PCMTD1: variants seen among roughly 807,000 people sequenced by gnomAD.
The protein encoded by PCMTD1 is protein-L-isoaspartate (D-aspartate) O-methyltransferase domain containing 1.
A neutral mutation model predicts 37.6 loss-of-function variants in PCMTD1; 12 were observed. The observed-to-expected ratio is 0.32, with a 90% confidence interval of 0.20 to 0.52. The LOEUF is 0.52. Ranked by LOEUF, PCMTD1 falls within the 20% of genes least tolerant of loss-of-function variation. The pLI is 0.97. For missense variants in PCMTD1, 235 were observed against 421.3 expected, an observed-to-expected ratio of 0.56 and a Z score of 3.87; for synonymous variants, 117 against 135.8, an observed-to-expected ratio of 0.86 and a Z score of 0.96.
intron 2 of PCMTD1, among the ~76,000 whole-genome samples, chr8:51,851,443 C>T (rs140804803): frequency 2.6e-5 from 4 of 152,216 alleles, no homozygotes; most frequent in African/African-American, 9.6e-5. Context: ...ACAGATGTCA[C>T]GATTAGTTCA....
At position 51,817,921 on chromosome 8, in the gene PCMTD1, T is replaced by C. The variant is rs1337437944; in HGVS notation, c.*2430A>G. 7 of 456,822 alleles carry C rather than the reference T, an allele frequency of 1.5e-5. No homozygotes were observed. Among genetic ancestry groups the C allele is most frequent in the Admixed American group, 7.0e-5 (3 of 42,594 alleles). The allele number at this position is 456,822 out of a possible 1,614,324, so 28.3% of individuals were successfully genotyped here. On this transcript the variant is annotated 3_prime_UTR_variant, in exon 6 of 6. Transcript: ENST00000522514. ...ACATGCCACGGTTCTAGGTCTGTTT[T>C]CTCATCTGCAAAATAAACACCCAAA...
chr8:51,849,221 T>C (rs566656342), intron 2 of PCMTD1: 1 of 152,266 alleles, frequency 6.6e-6, no homozygotes, highest in Non-Finnish European at 1.5e-5. Flanking sequence ...TGTATAACTT[T>C]TTCAATTAAA....
chr8:51,875,940 TTGTG>T (rs71237255), intron 1 of PCMTD1, among the ~76,000 whole-genome samples: 4,075 of 151,304 alleles, frequency 0.027, 199 homozygotes, highest in African/African-American at 0.093. Context: ...AAAAATGTGT[TTGTG>T]TGTGTGTGTG....
intron 3 of PCMTD1, among the ~76,000 whole-genome samples, chr8:51,837,467 G>A (rs533384606): frequency 6.6e-6 from 1 of 151,994 alleles, no homozygotes. Flanking sequence ...AAAAAATCTA[G>A]AACATATTAG....
intron 2 of PCMTD1, among the ~76,000 whole-genome samples, chr8:51,851,100 T>C (rs1250627534): frequency 6.6e-6 from 1 of 152,220 alleles, no homozygotes; most frequent in Non-Finnish European, 1.5e-5. Context: ...CATTCAACTA[T>C]ATCACATGGG....
At chr8:51,888,036 C>T (rs950501017) in intron 1 of PCMTD1, among the ~76,000 whole-genome samples, 3 of 152,158 alleles carry the variant, frequency 2.0e-5, no homozygotes, top group African/African-American at 7.2e-5. Flanking sequence ...AGCCACCGTG[C>T]CCGGCCAAGT....
At chr8:51,834,215 G>A (rs577248878) in intron 3 of PCMTD1, among the ~76,000 whole-genome samples, 4 of 152,284 alleles carry the variant, frequency 2.6e-5, no homozygotes, top group African/African-American at 9.6e-5. Context: ...CAACCAGTAA[G>A]GTTAGGAAGA....
intron 3 of PCMTD1, among the ~76,000 whole-genome samples, chr8:51,842,963 A>G (rs907981082): frequency 6.6e-6 from 1 of 152,014 alleles, no homozygotes; most frequent in African/African-American, 2.4e-5. Context: ...TTGTTAACAT[A>G]TATTTTGATG....
intron 1 of PCMTD1, among the ~76,000 whole-genome samples, chr8:51,863,682 G>A (rs187737742): frequency 1.3e-5 from 2 of 152,198 alleles, no homozygotes; most frequent in Admixed American, 1.3e-4. Flanking sequence ...AACACTTTGG[G>A]AGGTCGAGGC....
intron 1 of PCMTD1, among the ~76,000 whole-genome samples, chr8:51,868,699 A>G (rs1563355034): frequency 6.6e-6 from 1 of 152,188 alleles, no homozygotes; most frequent in African/African-American, 2.4e-5. Context: ...TACATAAATA[A>G]TAACTTAAAC....
intron 2 of PCMTD1, among the ~76,000 whole-genome samples, chr8:51,857,708 A>T (rs908703284): frequency 1.3e-5 from 2 of 152,218 alleles, no homozygotes; most frequent in African/African-American, 4.8e-5. Context: ...ATTATCTTCA[A>T]TTTGAAATTG....
At chr8:51,892,911 A>G (rs1049993222) in intron 1 of PCMTD1, among the ~76,000 whole-genome samples, 3 of 152,178 alleles carry the variant, frequency 2.0e-5, no homozygotes, top group Non-Finnish European at 2.9e-5. Context: ...CCCAGGGGGG[A>G]AAATGGGAGG....
intron 1 of PCMTD1, among the ~76,000 whole-genome samples, chr8:51,867,558 G>A (rs2038575085): frequency 6.7e-6 from 1 of 149,526 alleles, no homozygotes; most frequent in South Asian, 2.1e-4. Flanking sequence ...GATAAATATA[G>A]ACTTACATTA....
chr8:51,827,646 T>A (rs2037940206), intron 5 of PCMTD1, among the ~76,000 whole-genome samples: 1 of 152,172 alleles, frequency 6.6e-6, no homozygotes, highest in Admixed American at 6.5e-5. Flanking sequence ...AAAGGAGGGA[T>A]GACTGTATAC....
In PCMTD1 at chr8:51,831,196, T is replaced by G. The variant is rs1012923932; in HGVS notation, c.706+248A>C. Among the ~76,000 whole-genome samples the G allele has an allele frequency of 1.6e-4, 25 of 151,652 alleles. 1 individual carries two copies. Among genetic ancestry groups the G allele is most frequent in the Non-Finnish European group, 3.2e-4 (22 of 67,942 alleles). ...ACCTGTAATCCCACCTACTTGGGTG[T>G]CTGAGGCACAAGAATCGCTTGAACC... On this transcript the variant is annotated intron_variant, in intron 5 of 5. Transcript: ENST00000522514.
chr8:51,849,921 A>T, intron 2 of PCMTD1: 1 of 617,750 alleles, frequency 1.6e-6, no homozygotes, highest in Non-Finnish European at 2.9e-6. Flanking sequence ...GAAACCTGAG[A>T]GTTCCACACT....
In PCMTD1 at chr8:51,888,800, C is replaced by T. The variant is rs533315664; in HGVS notation, c.-96+10130G>A. ...GTCTTTATATAGTGTATTAGTTCTA[C>T]AGTCTTAGCAAATTATCCCGCATAA... On this transcript the variant is annotated intron_variant, in intron 1 of 5. Transcript: ENST00000522514. 6.2e-4 allele frequency among the ~76,000 whole-genome samples: 95 copies of T among 152,230 alleles called. 2 individuals are homozygous for T. The South Asian group carries it at 0.018, about 29-fold the overall frequency.
intron 1 of PCMTD1, among the ~76,000 whole-genome samples, chr8:51,863,924 C>CAA (rs35179050): frequency 8.2e-6 from 1 of 121,714 alleles, no homozygotes. Flanking sequence ...GATTCCCTCT[C>CAA]AAAAAAAAAA....
chr8:51,858,465 T>C (rs187101305), intron 2 of PCMTD1, among the ~76,000 whole-genome samples: 2 of 152,302 alleles, frequency 1.3e-5, no homozygotes, highest in East Asian at 1.9e-4. Context: ...CTATACTCAA[T>C]AATCACAGGG....
Sources: allele counts gnomAD v4.1 joint callset (sites outside exome capture counted in the v4.1 genomes callset), GRCh38; gene constraint gnomAD v4.1.1; transcripts MANE v1.5; gene names NCBI Gene and HGNC (gene_info 2026-07-23, HGNC 2026-07-21).